Variants in SMG7 observed in about 807,000 individuals in gnomAD.
The protein encoded by SMG7 is nonsense-mediated mRNA decay factor SMG7.
Under a neutral mutation model 148.2 loss-of-function variants are expected in SMG7, and 34 were observed. The observed-to-expected ratio is 0.23, with a 90% CI of 0.17 to 0.31. SMG7 has a LOEUF of 0.31. SMG7 is among the 10% of genes least tolerant of loss of function. The pLI, the probability that SMG7 is intolerant of heterozygous loss-of-function variation, is 1.00. For synonymous variants in SMG7, 492 were observed against 515.1 expected, an observed-to-expected ratio of 0.96 and a Z score of 0.61; for missense variants, 1,114 against 1,408.4, an observed-to-expected ratio of 0.79 and a Z score of 3.35.
At chr1:183,473,972 G>A (rs1170587784) in intron 1 of SMG7, 1 of 610,662 alleles carries the variant, frequency 1.6e-6, no homozygotes, top group Non-Finnish European at 2.1e-6. Flanking sequence ...GCATAATAGG[G>A]AGAGAAGAGA....
At chr1:183,477,486 G>A (rs1231210671) in intron 1 of SMG7, among the ~76,000 whole-genome samples, 6 of 149,326 alleles carry the variant, frequency 4.0e-5, no homozygotes, top group South Asian at 2.1e-4. Flanking sequence ...ATATATACAC[G>A]TGTGTGCATA....
Position 183,533,167 on chromosome 1 carries a change from C to G in SMG7, c.847C>G (p.Leu283Val), listed in dbSNP as rs1558035973. 6.2e-7 allele frequency: 1 copy of G among 1,612,974 alleles called. No homozygotes were observed. Among genetic ancestry groups the G allele is most frequent in the Non-Finnish European group, 8.5e-7 (1 of 1,179,352 alleles). Residue 283 changes from leucine to valine, a missense_variant, in exon 9 of 23, where the codon CTG becomes GTG. Leu to Val is a conservative substitution (Grantham distance 32, BLOSUM62 1). Around this residue, in one of 4 missense-constraint regions of SMG7, gnomAD observed 8 missense variants for 37.6 expected, o/e 0.21. Transcript: ENST00000688051. ...GTACGTCTGTCTTCTTTTACAGAGG[C>G]TGCTATTCCAAAAAGCTTTCAACTC... ...REKLEEQFKR[L>V]LFQKAFNSQQ...
intron 12 of SMG7, among the ~76,000 whole-genome samples, chr1:183,538,973 G>A (rs1043669328): frequency 1.1e-4 from 16 of 151,602 alleles, no homozygotes; most frequent in African/African-American, 2.2e-4. Context: ...GTGAAACCCC[G>A]TCTCTACTAA....
chr1:183,507,087 T>G (rs1266615208), intron 1 of SMG7, among the ~76,000 whole-genome samples: 4 of 151,940 alleles, frequency 2.6e-5, no homozygotes, highest in Admixed American at 2.6e-4. Flanking sequence ...CTATGTTGGC[T>G]AGGCTGGTCT....
At chr1:183,526,564 T>C (rs1187678492) in intron 4 of SMG7, 32 bp from the exon 5 acceptor site, 3 of 1,489,892 alleles carry the variant, frequency 2.0e-6, no homozygotes, top group Non-Finnish European at 1.9e-6. Context: ...CACTTGTGAC[T>C]TACTACTAAA....
intron 1 of SMG7, among the ~76,000 whole-genome samples, chr1:183,499,815 C>G (rs550431193): frequency 6.6e-6 from 1 of 152,016 alleles, no homozygotes; most frequent in Non-Finnish European, 1.5e-5. Context: ...ACTTTTAATT[C>G]TAGTATCTAC....
chr1:183,499,172 T>A (rs574939669), intron 1 of SMG7, among the ~76,000 whole-genome samples: 1 of 152,232 alleles, frequency 6.6e-6, no homozygotes, highest in African/African-American at 2.4e-5. Flanking sequence ...GTTGCTTCAG[T>A]AGGTGAATGG....
At chr1:183,501,665 G>C (rs1659747289) in intron 1 of SMG7, among the ~76,000 whole-genome samples, 1 of 152,064 alleles carries the variant, frequency 6.6e-6, no homozygotes, top group Non-Finnish European at 1.5e-5. Flanking sequence ...TTGTTGGTCT[G>C]TCTCTACATT....
At chr1:183,522,935 CT>C (rs1452903144) in intron 4 of SMG7, among the ~76,000 whole-genome samples, 3 of 151,950 alleles carry the variant, frequency 2.0e-5, no homozygotes, top group Non-Finnish European at 4.4e-5. Flanking sequence ...TACCAGCTAC[CT>C]TTTTTTATTT....
rs1210947907 is a variant in SMG7, at chr1:183,545,113, C to T, written c.2171C>T (p.Ser724Phe). The part of the protein sequence containing the change: ...SHIPYSQQRP[S>F]GPGPMNQGPQ... Reference sequence around the variant, plus strand: ...ATTCCTTACAGCCAGCAACGGCCCTCTGGACCAGGGCCAATGAACCAGGGA... The same window carrying T: ...ATTCCTTACAGCCAGCAACGGCCCTTTGGACCAGGGCCAATGAACCAGGGA... Residue 724 changes from serine (S) to phenylalanine (F), a missense_variant, in exon 16 of 23, where the codon TCT becomes TTT. Coordinates refer to ENST00000688051, the MANE Select transcript of SMG7 (RefSeq NM_001375584.1). The T allele has an allele frequency of 6.2e-7, 1 of 1,613,922 alleles. No individual in the cohort carries two copies. Among genetic ancestry groups the T allele is most frequent in the Non-Finnish European group, 8.5e-7 (1 of 1,179,926 alleles).
intron 4 of SMG7, 45 bp from the exon 5 acceptor site, chr1:183,526,551 G>A (rs1419981974): frequency 7.5e-7 from 1 of 1,327,116 alleles, no homozygotes; most frequent in East Asian, 2.4e-5. Context: ...TTTACTTTTA[G>A]AGCACTTGTG....
Position 183,545,185 on chromosome 1 carries a change from C to T in SMG7, c.2243C>T (p.Pro748Leu), listed in dbSNP as rs1361315353. The T allele has an allele frequency of 1.9e-6, 3 of 1,614,120 alleles. No homozygotes were observed. The highest frequency in any genetic ancestry group is 1.3e-5 in the African/African-American group (1 of 75,020). Reference protein sequence around the residue: ...PPSQQPLTSLPAQPTAQSTSQ... With the variant: ...PPSQQPLTSLLAQPTAQSTSQ... ...TCCCAGCAACCCCTTACATCTTTAC[C>T]AGCTCAGCCAACAGCACAGTCTACA... Residue 748 changes from proline (P) to leucine (L), a missense_variant, in exon 16 of 23, where the codon CCA (proline) becomes CTA (leucine). Pro to Leu is a moderately conservative substitution (Grantham distance 98). Coordinates refer to ENST00000688051, the MANE Select transcript of SMG7 (RefSeq NM_001375584.1).
chr1:183,548,358 C>A (rs970859866), intron 18 of SMG7, among the ~76,000 whole-genome samples: 5 of 152,174 alleles, frequency 3.3e-5, no homozygotes, highest in African/African-American at 1.2e-4. Flanking sequence ...GGCTTTTATG[C>A]TAGAGTGGCT....
At chr1:183,545,840 A>G in intron 16 of SMG7, 126 bp from the exon 17 acceptor site, 1 of 1,086,738 alleles carries the variant, frequency 9.2e-7, no homozygotes, top group South Asian at 1.7e-5. Flanking sequence ...GGTAAAGGAA[A>G]CTGCTGCCTT....
Position 183,552,963 on chromosome 1 carries a change from C to T in SMG7, c.*1032C>T, listed in dbSNP as rs1671291420. 6.5e-7 allele frequency: 1 copy of T among 1,535,606 alleles called. No homozygotes were observed. Among genetic ancestry groups the T allele is most frequent in the East Asian group, 2.4e-5 (1 of 40,894 alleles). ...TTTTTATTCCTAATGTGTGCAACAT[C>T]ACATCTCCCCAAGAAGCAACAGCAT... is the stretch of plus-strand genomic sequence containing the variant. On this transcript the variant is annotated 3_prime_UTR_variant, in exon 23 of 23. Coordinates refer to ENST00000688051, the MANE Select transcript of SMG7 (RefSeq NM_001375584.1).
chr1:183,506,648 T>C (rs1660955831), intron 1 of SMG7, among the ~76,000 whole-genome samples: 1 of 147,724 alleles, frequency 6.8e-6, no homozygotes, highest in African/African-American at 2.5e-5. Context: ...TTTGGTTAAA[T>C]TTCTTAAAAA....
intron 13 of SMG7, 144 bp from the exon 14 acceptor site, chr1:183,541,932 G>C: frequency 1.5e-6 from 1 of 671,344 alleles, no homozygotes; most frequent in East Asian, 2.7e-5. Context: ...ACTACTTTTT[G>C]TGTTACCTGA....
chr1:183,541,553 C>G (rs942677961), intron 13 of SMG7, among the ~76,000 whole-genome samples: 1 of 151,786 alleles, frequency 6.6e-6, no homozygotes, highest in Non-Finnish European at 1.5e-5. Context: ...TTTTGTAATT[C>G]CATTGGTTTG....
intron 3 of SMG7, 86 bp from the exon 4 acceptor site, chr1:183,517,602 C>A: frequency 8.2e-7 from 1 of 1,226,428 alleles, no homozygotes; most frequent in Non-Finnish European, 1.2e-6. Flanking sequence ...ATAATTATAA[C>A]AGACAGTTCT....
Sources: allele counts gnomAD v4.1 joint callset (sites outside exome capture counted in the v4.1 genomes callset), GRCh38; gene constraint gnomAD v4.1.1; regional missense constraint gnomAD v4.1.1; transcripts MANE v1.5; gene names NCBI Gene and HGNC (gene_info 2026-07-23, HGNC 2026-07-21).